Variants in MGAT4C observed in about 807,000 individuals in gnomAD.
The protein encoded by MGAT4C is alpha-1,3-mannosyl-glycoprotein 4-beta-N-acetylglucosaminyltransferase C.
A neutral mutation model predicts 40.1 loss-of-function variants in MGAT4C; 19 were observed. The observed-to-expected ratio is 0.47, with a 90% confidence interval of 0.33 to 0.70. The LOEUF is 0.70. Ranked by LOEUF, MGAT4C falls within the 30% of genes least tolerant of loss-of-function variation. The pLI, the probability that MGAT4C is intolerant of heterozygous loss-of-function variation, is 0.02. For synonymous variants in MGAT4C, 181 were observed against 187.1 expected (o/e 0.97, Z 0.27); for missense variants, 491 against 563.2 (o/e 0.87, Z 1.30).
chr12:86,511,690 A>G (rs903297741), intron 2 of MGAT4C, among the ~76,000 whole-genome samples: 1 of 151,922 alleles, frequency 6.6e-6, no homozygotes, highest in African/African-American at 2.4e-5. Flanking sequence ...AGAAAACTGG[A>G]TATCCATATG....
chr12:86,319,666 A>T (rs1954331522), intron 4 of MGAT4C, among the ~76,000 whole-genome samples: 1 of 152,114 alleles, frequency 6.6e-6, no homozygotes, highest in Non-Finnish European at 1.5e-5. Context: ...AATTCCTAAC[A>T]CTTAAAATGT....
At chr12:86,181,638 C>A (rs1485723341) in intron 1 of MGAT4C, among the ~76,000 whole-genome samples, 1 of 152,052 alleles carries the variant, frequency 6.6e-6, no homozygotes, top group Non-Finnish European at 1.5e-5. Context: ...CATGAACTTC[C>A]ATTATGAAAA....
intron 3 of MGAT4C, among the ~76,000 whole-genome samples, chr12:86,409,627 C>A (rs1303763591): frequency 2.0e-5 from 3 of 152,158 alleles, no homozygotes; most frequent in African/African-American, 7.2e-5. Context: ...GATTATTGAT[C>A]TTTGTAGCCA....
intron 3 of MGAT4C, among the ~76,000 whole-genome samples, chr12:86,393,514 C>T (rs1478537706): frequency 1.3e-5 from 2 of 152,114 alleles, no homozygotes; most frequent in Non-Finnish European, 2.9e-5. Context: ...GAGATTAAAG[C>T]ACTTTCTTCT....
At chr12:86,185,390 C>T (rs1158697250) in intron 1 of MGAT4C, among the ~76,000 whole-genome samples, 1 of 152,056 alleles carries the variant, frequency 6.6e-6, no homozygotes, top group Admixed American at 6.6e-5. Context: ...TTATTGAGAA[C>T]AGTTTAGTAC....
At chr12:86,366,500 G>T (rs1955599176) in intron 3 of MGAT4C, among the ~76,000 whole-genome samples, 1 of 152,156 alleles carries the variant, frequency 6.6e-6, no homozygotes, top group South Asian at 2.1e-4. Context: ...GTTCTCAGTT[G>T]TAAGTGGGAG....
intron 1 of MGAT4C, among the ~76,000 whole-genome samples, chr12:86,151,339 G>A (rs1015124700): frequency 5.1e-4 from 78 of 152,120 alleles, no homozygotes; most frequent in Admixed American, 1.3e-3. Flanking sequence ...CTGGCCGGGC[G>A]CGGTGGCTCA....
At position 86,256,330 on chromosome 12, in the gene MGAT4C, G is replaced by A. The variant is rs1005811217; in HGVS notation, c.-148C>T. 6 of 152,136 alleles carry A rather than the reference G, an allele frequency of 3.9e-5. No individual in the cohort carries two copies. Among genetic ancestry groups the A allele is most frequent in the Admixed American group, 2.0e-4 (3 of 15,264 alleles). 9.4% of individuals were successfully genotyped at this position (152,136 alleles called of 1,614,324 possible). A position where few individuals can be genotyped will look rare whatever the true frequency, so the allele number is the denominator to read the frequency against. On this transcript the variant is annotated 5_prime_UTR_variant, in exon 1 of 5. Coordinates refer to ENST00000611864, the MANE Select transcript of MGAT4C (RefSeq NM_001351288.2). ...TGATCCTTGGGCCTCACACAAAAGC[G>A]AGATAATTGGCTCTCAATGAAGAGA...
intron 2 of MGAT4C, among the ~76,000 whole-genome samples, chr12:86,715,581 A>G (rs569833015): frequency 6.6e-6 from 1 of 152,270 alleles, no homozygotes; most frequent in East Asian, 1.9e-4. Flanking sequence ...ATAATCACAG[A>G]ACAAAAAAAT....
At chr12:86,282,244 G>A (rs1215973523) in intron 4 of MGAT4C, among the ~76,000 whole-genome samples, 2 of 151,992 alleles carry the variant, frequency 1.3e-5, no homozygotes, top group Non-Finnish European at 2.9e-5. Context: ...GGTCCCTGTG[G>A]CACGCTTATT....
At chr12:86,366,340 T>A (rs1955595954) in intron 3 of MGAT4C, among the ~76,000 whole-genome samples, 4 of 152,236 alleles carry the variant, frequency 2.6e-5, no homozygotes, top group Admixed American at 2.6e-4. Flanking sequence ...AGAGAAATTT[T>A]GACTTCGTCT....
chr12:86,436,118 G>A (rs12099633), intron 2 of MGAT4C, among the ~76,000 whole-genome samples: 1,627 of 151,896 alleles, frequency 0.011, 30 homozygotes, highest in East Asian at 0.048. Flanking sequence ...CTGGTTAAGC[G>A]TTACCAGCAG....
chr12:86,212,969 C>A (rs1950541800), intron 1 of MGAT4C, among the ~76,000 whole-genome samples: 1 of 147,654 alleles, frequency 6.8e-6, no homozygotes, highest in Non-Finnish European at 1.5e-5. Flanking sequence ...TAAATGGCAG[C>A]CAAAGTTACT....
chr12:86,207,796 C>T (rs973269865), intron 1 of MGAT4C, among the ~76,000 whole-genome samples: 3 of 151,936 alleles, frequency 2.0e-5, no homozygotes, highest in African/African-American at 7.3e-5. Flanking sequence ...TCCTTGTTTT[C>T]CTGAAAATGA....
chr12:86,476,939 T>G (rs1957845503), intron 2 of MGAT4C, among the ~76,000 whole-genome samples: 1 of 152,148 alleles, frequency 6.6e-6, no homozygotes, highest in African/African-American at 2.4e-5. Context: ...AGGGAAATGA[T>G]GAAGCGGGGC....
At chr12:86,579,857 T>C (rs1262285716) in intron 2 of MGAT4C, among the ~76,000 whole-genome samples, 2 of 151,606 alleles carry the variant, frequency 1.3e-5, no homozygotes, top group Non-Finnish European at 3.0e-5. Context: ...GCATTTTAAA[T>C]GTGTCATGCC....
At chr12:86,427,146 G>A (rs567234884) in intron 3 of MGAT4C, among the ~76,000 whole-genome samples, 1 of 152,178 alleles carries the variant, frequency 6.6e-6, no homozygotes, top group South Asian at 2.1e-4. Flanking sequence ...GCTTCTTGGA[G>A]GGAAAAGTGT....
At chr12:86,479,958 G>C (rs1007190957) in intron 2 of MGAT4C, among the ~76,000 whole-genome samples, 1 of 151,774 alleles carries the variant, frequency 6.6e-6, no homozygotes, top group Non-Finnish European at 1.5e-5. Flanking sequence ...TTTGGAAAGA[G>C]AAAGGATCCT....
chr12:86,290,117 G>A (rs1195464514), intron 4 of MGAT4C, among the ~76,000 whole-genome samples: 2 of 151,582 alleles, frequency 1.3e-5, no homozygotes, highest in Non-Finnish European at 2.9e-5. Context: ...TGCGATCTCT[G>A]CTCACGGCAA....
Sources: gnomAD v4.1 joint callset for allele counts (sites outside exome capture counted in the v4.1 genomes callset) on GRCh38, gnomAD v4.1.1 for gene constraint, MANE v1.5 for transcripts, NCBI Gene and HGNC (gene_info 2026-07-23, HGNC 2026-07-21) for gene names.